Variants in AHNAK2 observed in about 807,000 individuals in gnomAD.
The protein encoded by AHNAK2 is AHNAK nucleoprotein 2.
Under a neutral mutation model 30.7 loss-of-function variants are expected in AHNAK2, and 18 were observed. The observed-to-expected ratio is 0.59, with a 90% CI of 0.41 to 0.87. AHNAK2 has a LOEUF of 0.87. Ranked by LOEUF, AHNAK2 falls within the 40% of genes least tolerant of loss-of-function variation. The probability of loss-of-function intolerance (pLI) is 0.00; values close to 1 mark genes in which losing one functional copy is unlikely to be tolerated. For synonymous variants in AHNAK2, 3,590 were observed against 3,073.8 expected (o/e 1.17, Z -5.56); for missense variants, 8,604 against 7,373.0 (o/e 1.17, Z -6.11).
Position 104,941,482 on chromosome 14 carries a change from T to C in AHNAK2, c.13969A>G (p.Thr4657Ala). The change falls in exon 7 of 7, where the codon ACA becomes GCA. Residue 4657 changes from threonine (T) to alanine (A), a missense_variant. Physicochemically the swap from Thr to Ala is moderately conservative, Grantham distance 58 (BLOSUM62 0). Coordinates refer to ENST00000333244, the MANE Select transcript of AHNAK2 (RefSeq NM_138420.4). ...MSSSEIEGNVTFHEKTSTFPI... is the reference protein window; with the variant it reads ...MSSSEIEGNVAFHEKTSTFPI... ...AATGTGGAAGTCTTCTCATGGAATG[T>C]AACATTTCCTTCGATTTCAGAGGAA... The C allele has an allele frequency of 6.2e-7, 1 of 1,612,938 alleles. No homozygotes were observed. The highest frequency in any genetic ancestry group is 8.5e-7 in the Non-Finnish European group (1 of 1,179,734).
At chr14:104,974,969 G>T (rs971868756) in intron 1 of AHNAK2, among the ~76,000 whole-genome samples, 2 of 152,186 alleles carry the variant, frequency 1.3e-5, no homozygotes. Context: ...GAGGCCTTCC[G>T]CATAGGTGTC....
Position 104,938,981 on chromosome 14 carries a change from G to C in AHNAK2, c.16470C>G (p.Leu5490=). The change falls in exon 7 of 7, where the codon CTC becomes CTG. Residue 5490 remains leucine, a synonymous_variant. Coordinates refer to ENST00000333244, the MANE Select transcript of AHNAK2 (RefSeq NM_138420.4). ...GAGTGGAAAAAGTCCTGGGTACTGA[G>C]AGATCTACAAACTCTGGTGTCACTA... ...HSIVTPEFVD[L]SVPRTFSTQI... The C allele has an allele frequency of 6.2e-7, 1 of 1,612,736 alleles. No individual in the cohort carries two copies. Among genetic ancestry groups the C allele is most frequent in the Non-Finnish European group, 8.5e-7 (1 of 1,179,602 alleles).
Position 104,957,454 on chromosome 14 carries a change from G to A in AHNAK2, c.169C>T (p.Pro57Ser). The A allele has an allele frequency of 6.2e-7, 1 of 1,601,750 alleles. No individual in the cohort carries two copies. Among genetic ancestry groups the A allele is most frequent in the Non-Finnish European group, 8.5e-7 (1 of 1,171,448 alleles). The change falls in exon 3 of 7, where the codon CCT (proline) becomes TCT (serine). Residue 57 changes from proline (P) to serine (S), a missense_variant. Physicochemically the swap from Pro to Ser is moderately conservative, Grantham distance 74. Coordinates refer to ENST00000333244, the MANE Select transcript of AHNAK2 (RefSeq NM_138420.4). ...GCCTCAGTCGTGTATTCGTAGACAGGTGAAGACCCCTGCGGCCGTGGTCGA... is the reference window on the plus strand; with the variant it reads ...GCCTCAGTCGTGTATTCGTAGACAGATGAAGACCCCTGCGGCCGTGGTCGA... ...GIRPRPQGSS[P>S]VYEYTTEAAD...
At chr14:104,957,735 G>A (rs937252748) in intron 1 of AHNAK2, 63 bp from the exon 2 acceptor site, 1 of 1,514,982 alleles carries the variant, frequency 6.6e-7, no homozygotes, top group Non-Finnish European at 9.0e-7. Flanking sequence ...GGGCCCGGGG[G>A]AGGGAGCCAG....
Position 104,943,317 on chromosome 14 carries a change from G to C in AHNAK2, c.12134C>G (p.Ala4045Gly), listed in dbSNP as rs766473047. Residue 4045 changes from alanine (A) to glycine (G), a missense_variant, in exon 7 of 7, where the codon GCC (alanine) becomes GGC (glycine). By Grantham distance (60) the Ala-to-Gly change is moderately conservative. Coordinates refer to ENST00000333244, the MANE Select transcript of AHNAK2 (RefSeq NM_138420.4). Reference protein sequence around the residue: ...KLPEGPVPEGASLKGHLPKVQ... With the variant: ...KLPEGPVPEGGSLKGHLPKVQ... ...CTTGGGCAGGTGCCCTTTGAGGCTG[G>C]CTCCCTCGGGCACGGGGCCCTCTGG... 4 of 1,612,752 alleles carry C rather than the reference G, an allele frequency of 2.5e-6. No individual in the cohort carries two copies. Among genetic ancestry groups the C allele is most frequent in the Admixed American group, 3.3e-5 (2 of 59,916 alleles).
chr14:104,938,431 GAGC>G lies in AHNAK2; in HGVS notation c.17017_17019del (p.Ala5673del), dbSNP rs753608468. On this transcript the variant is annotated inframe_deletion, in exon 7 of 7. Transcript: ENST00000333244. ...CGTGCCTCAGGCTGTGTTTGAATGGGAGCAGATCTCTGGACGTCATTTTTGGAA... is the reference window on the plus strand; with the variant it reads ...CGTGCCTCAGGCTGTGTTTGAATGGGAGATCTCTGGACGTCATTTTTGGAA... 14 of 1,613,824 alleles carry G rather than the reference GAGC, an allele frequency of 8.7e-6. No individual in the cohort carries two copies. The East Asian group carries it at 1.8e-4, about 21-fold the overall frequency.
In AHNAK2 at chr14:104,941,613, T is replaced by TC; in HGVS notation, c.13837dup (p.Asp4613GlyfsTer15). 6.2e-7 allele frequency: 1 copy of TC among 1,613,360 alleles called. No individual in the cohort carries two copies. Among genetic ancestry groups the TC allele is most frequent in the Non-Finnish European group, 8.5e-7 (1 of 1,179,838 alleles). On this transcript the variant is annotated frameshift_variant, in exon 7 of 7. Transcript: ENST00000333244. LOFTEE classifies it low-confidence loss of function (END_TRUNC). ...TACATCCTCGTGGGCCAGGGACAGG[T>TC]CCCCCTCAAGCCGCGCACCATCCAG...
In AHNAK2 at chr14:104,944,051, G is replaced by C. The variant is rs1898127428; in HGVS notation, c.11400C>G (p.Asp3800Glu). 4 of 1,613,192 alleles carry C rather than the reference G, an allele frequency of 2.5e-6. No homozygotes were observed. Among genetic ancestry groups the C allele is most frequent in the Non-Finnish European group, 3.4e-6 (4 of 1,179,620 alleles). ...TGAACTTGGGCATTTTGAATTTGCT[G>C]TCTTTGGCAGTCACATCCTTGTCGG... ...SLADKDVTAK[D>E]SKFKMPKFKM... The change falls in exon 7 of 7, where the codon GAC (aspartate) becomes GAG (glutamate). Residue 3800 changes from aspartate (D) to glutamate (E), a missense_variant. Asp to Glu is a conservative substitution (Grantham distance 45). Coordinates refer to ENST00000333244, the MANE Select transcript of AHNAK2 (RefSeq NM_138420.4).
Position 104,953,631 on chromosome 14 carries a change from T to C in AHNAK2, c.1820A>G (p.Glu607Gly), listed in dbSNP as rs957402940. 102 of 1,613,854 alleles carry C rather than the reference T, an allele frequency of 6.3e-5. No individual in the cohort carries two copies. Among genetic ancestry groups the C allele is most frequent in the Non-Finnish European group, 7.9e-5 (93 of 1,179,900 alleles). ...TCCTTCCCTTCCCTGCTCTGTGTCT[T>C]CTGTGGCTTTTTCTCTGCCTGTCTT... The part of the protein sequence containing the change: ...HTKTGREKAT[E>G]DTEQGREGEA... The change falls in exon 7 of 7, where the codon GAA becomes GGA. Residue 607 changes from glutamate (E) to glycine (G), a missense_variant. Coordinates refer to ENST00000333244, the MANE Select transcript of AHNAK2 (RefSeq NM_138420.4).
At position 104,946,272 on chromosome 14, in the gene AHNAK2, T is replaced by C. The variant is rs1212166869; in HGVS notation, c.9179A>G (p.His3060Arg). ...HVPEGAGLKG[H>R]LPKLQMPSFK... is the part of the protein sequence containing the mutation. Reference sequence around the variant, plus strand: ...ACTGGGCATCTGCAACTTGGGCAGGTGCCCTTTGAGGCCAGCTCCCTCGGG... The same window carrying C: ...ACTGGGCATCTGCAACTTGGGCAGGCGCCCTTTGAGGCCAGCTCCCTCGGG... Residue 3060 changes from histidine to arginine, a missense_variant, in exon 7 of 7, where the codon CAC (histidine) becomes CGC (arginine). Transcript: ENST00000333244. 1.9e-6 allele frequency: 3 copies of C among 1,610,832 alleles called. No homozygotes were observed. The Admixed American group carries it at 5.0e-5, about 27-fold the overall frequency.
At position 104,948,356 on chromosome 14, in the gene AHNAK2, G is replaced by A. The variant is rs1186487467; in HGVS notation, c.7095C>T (p.Asp2365=). ...PSMQGDLKTT[D]LSVQPPSADL... ...CAGCGGAAGGGGGCTGAACGCTGAGGTCAGTGGTCTTGAGGTCCCCCTGCA... is the reference window on the plus strand; with the variant it reads ...CAGCGGAAGGGGGCTGAACGCTGAGATCAGTGGTCTTGAGGTCCCCCTGCA... The change falls in exon 7 of 7, where the codon GAC becomes GAT. Residue 2365 remains aspartate, a synonymous_variant. Coordinates refer to ENST00000333244, the MANE Select transcript of AHNAK2 (RefSeq NM_138420.4). The A allele has an allele frequency of 1.9e-6, 3 of 1,612,850 alleles. No homozygotes were observed. Among genetic ancestry groups the A allele is most frequent in the South Asian group, 1.1e-5 (1 of 91,054 alleles).
Position 104,938,583 on chromosome 14 carries a change from G to T in AHNAK2, c.16868C>A (p.Thr5623Asn). The change falls in exon 7 of 7, where the codon ACC (threonine) becomes AAC (asparagine). Residue 5623 changes from threonine to asparagine, a missense_variant. By Grantham distance (65) the Thr-to-Asn change is moderately conservative. Transcript: ENST00000333244. ...CCTGCCTTCATCTGCCAGTGGTGTG[G>T]TTGCCTCTTGGCTATCATCAGGGGG... ...EFPPDDSQEA[T>N]TPLADEGRAP... The T allele has an allele frequency of 6.2e-7, 1 of 1,613,242 alleles. No individual in the cohort carries two copies. The highest frequency in any genetic ancestry group is 1.1e-5 in the South Asian group (1 of 90,918).
rs1476205385 is a variant in AHNAK2, at chr14:104,941,353, T to C, written c.14098A>G (p.Lys4700Glu). 1 of 1,613,540 alleles carries C rather than the reference T, an allele frequency of 6.2e-7. No individual in the cohort carries two copies. Among genetic ancestry groups the C allele is most frequent in the Admixed American group, 1.7e-5 (1 of 60,014 alleles). ...VGEVGMDSKF[K>E]KLHFKVPKVS... is the part of the protein sequence containing the mutation. ...TTGGGCACTTTAAAATGCAGTTTCT[T>C]AAACTTCGAATCCATTCCAACTTCT... The change falls in exon 7 of 7, where the codon AAG becomes GAG. Residue 4700 changes from lysine (K) to glutamate (E), a missense_variant. Lys to Glu is a moderately conservative substitution (Grantham distance 56). Transcript: ENST00000333244.
Position 104,945,586 on chromosome 14 carries a change from G to A in AHNAK2, c.9865C>T (p.Arg3289Trp), listed in dbSNP as rs372815925. ...EAPGAKLDGA[R>W]LEGDLSLADK... ...GCCAGGGACAGGTCCCCCTCCAGCC[G>A]TGCACCATCCAACTTGGCTCCTGGG... Residue 3289 changes from arginine to tryptophan, a missense_variant, in exon 7 of 7, where the codon CGG becomes TGG. Transcript: ENST00000333244. 1.6e-5 allele frequency: 26 copies of A among 1,607,290 alleles called. No individual in the cohort carries two copies. The highest frequency in any genetic ancestry group is 6.8e-5 in the African/African-American group (5 of 74,044).
intron 4 of AHNAK2, 139 bp from the exon 5 acceptor site, chr14:104,955,772 TAC>T (rs1440928729): frequency 8.4e-7 from 1 of 1,195,008 alleles, no homozygotes; most frequent in East Asian, 2.8e-5. Context: ...CAGAGTAGGG[TAC>T]CCACCAGGTG....
In AHNAK2 at chr14:104,952,145, G is replaced by C; in HGVS notation, c.3306C>G (p.Asp1102Glu). 3 of 1,600,702 alleles carry C rather than the reference G, an allele frequency of 1.9e-6. No homozygotes were observed. The East Asian group carries it at 6.8e-5, about 37-fold the overall frequency. The part of the protein sequence containing the change: ...PKVALKGPQV[D>E]VKGPKLDLKS... ...TCAGGTCCAGCTTGGGGCCCTTGAC[G>C]TCCACCTGGGGGCCCTTGAGGGCCA... Residue 1102 changes from aspartate to glutamate, a missense_variant, in exon 7 of 7, where the codon GAC (aspartate) becomes GAG (glutamate). Transcript: ENST00000333244.
At chr14:104,963,596 C>T (rs554734158) in intron 1 of AHNAK2, among the ~76,000 whole-genome samples, 4 of 152,148 alleles carry the variant, frequency 2.6e-5, no homozygotes, top group South Asian at 2.1e-4. Flanking sequence ...TTTGGGAGGC[C>T]GAGGCGGGCG....
rs777813291 is a variant in AHNAK2 at position 104,948,782 on chromosome 14, C to G, written c.6669G>C (p.Glu2223Asp). 1 of 1,612,436 alleles carries G rather than the reference C, an allele frequency of 6.2e-7. No individual in the cohort carries two copies. Among genetic ancestry groups the G allele is most frequent in the South Asian group, 1.1e-5 (1 of 91,052 alleles). Residue 2223 changes from glutamate (E) to aspartate (D), a missense_variant, in exon 7 of 7, where the codon GAG becomes GAC. Coordinates refer to ENST00000333244, the MANE Select transcript of AHNAK2 (RefSeq NM_138420.4). ...QAGQVDVKLLEGPVPEEVGLK... is the reference protein window; with the variant it reads ...QAGQVDVKLLDGPVPEEVGLK... ...GGCCGACTTCCTCGGGCACAGGGCC[C>G]TCCAGGAGTTTCACGTCCACCTGGC...
chr14:104,948,947 T>A lies in AHNAK2; in HGVS notation c.6504A>T (p.Pro2168=), dbSNP rs569060221. The A allele has an allele frequency of 3.3e-4, 417 of 1,272,140 alleles. 74 individuals carry two copies. The highest frequency in any genetic ancestry group is 5.9e-4 in the East Asian group (26 of 44,032). 78.8% of individuals were successfully genotyped at this position (1,272,140 alleles called of 1,614,324 possible). Residue 2168 remains proline, a synonymous_variant, in exon 7 of 7, where the codon CCA becomes CCT. Coordinates refer to ENST00000333244, the MANE Select transcript of AHNAK2 (RefSeq NM_138420.4). ...CCACCGAGGCCTCGATGGACTTGCC[T>A]GGGGCAGACACCCCAAACGACGGCA... ...FKMPSFGVSA[P]GKSIEASVDV...
Sources: gnomAD v4.1 joint callset for allele counts (sites outside exome capture counted in the v4.1 genomes callset) on GRCh38, gnomAD v4.1.1 for gene constraint, MANE v1.5 for transcripts, NCBI Gene and HGNC (gene_info 2026-07-23, HGNC 2026-07-21) for gene names.